Variants in KDM6A observed in about 807,000 individuals in gnomAD.
The protein encoded by KDM6A is lysine demethylase 6A, also known as lysine-specific demethylase 6A.
Under a neutral mutation model 117.6 loss-of-function variants are expected in KDM6A, and 11 were observed. The ratio of observed to expected loss-of-function variants is 0.09; its 90% CI spans 0.06 to 0.15. The LOEUF is 0.15. Ranked by LOEUF, KDM6A falls within the 10% of genes least tolerant of loss-of-function variation. The pLI is 1.00. For synonymous variants in KDM6A, 384 were observed against 396.1 expected, an observed-to-expected ratio of 0.97 and a Z score of 0.36; for missense variants, 799 against 1,077.3, an observed-to-expected ratio of 0.74 and a Z score of 3.62.
Position 44,974,676 on chromosome X carries a change from A to G in KDM6A, c.345A>G (p.Ala115=), listed in dbSNP as rs1357134080. The change falls in exon 4 of 30, where the codon GCA becomes GCG. Residue 115 remains alanine (A), a synonymous_variant. Coordinates refer to ENST00000611820, the MANE Select transcript of KDM6A (RefSeq NM_001291415.2). ...LLEDYPKALS[A]YQRYYSLQSD... ...TTATTTTCCTTTCAGCATTATCTGC[A>G]TACCAGAGGTACTACAGTTTACAGT... is the stretch of plus-strand genomic sequence containing the variant. 2 of 1,177,469 alleles carry G rather than the reference A, an allele frequency of 1.7e-6. 1 individual carries two copies. The highest frequency in any genetic ancestry group is 3.6e-5 in the South Asian group (2 of 56,241).
chrX:45,032,137 C>T (rs1238579359), intron 6 of KDM6A, among the ~76,000 whole-genome samples: 4 of 111,822 alleles, frequency 3.6e-5, no homozygotes, highest in Non-Finnish European at 7.5e-5. Flanking sequence ...GCAGAGGCCT[C>T]TTCTGCATAA....
chrX:44,966,100 TG>T (rs779930896), intron 3 of KDM6A, among the ~76,000 whole-genome samples: 110 of 110,529 alleles, frequency 1.0e-3, no homozygotes, highest in Non-Finnish European at 1.8e-3. Context: ...TATGTTAGAC[TG>T]TGACTATAGC....
At position 44,873,508 on chromosome X, in the gene KDM6A, GA is replaced by G. The variant is rs746445550; in HGVS notation, c.-43del. On this transcript the variant is annotated 5_prime_UTR_variant, in exon 1 of 30. Transcript: ENST00000611820. ...GGGGCGTCACTGCGGGCCCCGGTCC[GA>G]GGGGGGGTGTCGGCGTTGGAGTTGT... 9 of 1,206,344 alleles carry G rather than the reference GA, an allele frequency of 7.5e-6. No homozygotes were observed. In the African/African-American group the frequency reaches 1.1e-4, roughly 14 times the overall value.
intron 4 of KDM6A, among the ~76,000 whole-genome samples, chrX:44,985,708 C>T (rs112611396): frequency 2.0e-4 from 22 of 111,794 alleles, no homozygotes; most frequent in African/African-American, 6.8e-4. Flanking sequence ...TGCTGGGTTA[C>T]GTTTACTCAT....
At chrX:45,087,422 A>G (rs367878373) in intron 25 of KDM6A, among the ~76,000 whole-genome samples, 111 of 113,107 alleles carry the variant, frequency 9.8e-4, no homozygotes, top group South Asian at 2.8e-3. Context: ...AAAGCAAGAG[A>G]TAATTACCTT....
chrX:44,897,587 G>GTCTCT (rs2033998166), intron 2 of KDM6A, among the ~76,000 whole-genome samples: 1 of 110,556 alleles, frequency 9.0e-6, no homozygotes, highest in African/African-American at 3.3e-5. Context: ...TTTCTTTTAA[G>GTCTCT]AGACAGGGTC....
In KDM6A at chrX:44,995,122, C is replaced by T. The variant is rs1046743098; in HGVS notation, c.385-15839C>T. Among the ~76,000 whole-genome samples the T allele has an allele frequency of 2.7e-5, 3 of 111,046 alleles. No homozygotes were observed. The South Asian group carries it at 1.1e-3, about 42-fold the overall frequency. On this transcript the variant is annotated intron_variant, in intron 4 of 29. Coordinates refer to ENST00000611820, the MANE Select transcript of KDM6A (RefSeq NM_001291415.2). ...CTATTGTTAGTTTTTCGAGGAAATT[C>T]CAACATTTTACTAAGAAAGAATCCC...
chrX:45,100,139 C>T (rs1372353047), intron 27 of KDM6A, among the ~76,000 whole-genome samples: 7 of 111,698 alleles, frequency 6.3e-5, no homozygotes, highest in African/African-American at 2.0e-4. Context: ...AATACTAAGA[C>T]GCTTTACGTC....
chrX:45,063,449 C>G lies in KDM6A; in HGVS notation c.1711C>G (p.Arg571Gly), dbSNP rs397514628. ...GAGACCAACAGGAGTTGCACAGGTACGATCTACTGGAATTCCTAATGGGCC... is the reference window on the plus strand; with the variant it reads ...GAGACCAACAGGAGTTGCACAGGTAGGATCTACTGGAATTCCTAATGGGCC... ...QMRPTGVAQV[R>G]STGIPNGPTA... Residue 571 changes from arginine (R) to glycine (G), a missense_variant, in exon 17 of 30, where the codon CGA (arginine) becomes GGA (glycine). Physicochemically the swap from Arg to Gly is moderately radical, Grantham distance 125 (BLOSUM62 -2). Transcript: ENST00000611820. 2.5e-6 allele frequency: 3 copies of G among 1,207,095 alleles called. No homozygotes were observed. The Admixed American group carries it at 6.5e-5, about 26-fold the overall frequency.
At chrX:44,909,012 T>TG (rs2034908553) in intron 2 of KDM6A, among the ~76,000 whole-genome samples, 1 of 112,202 alleles carries the variant, frequency 8.9e-6, no homozygotes, top group Admixed American at 9.4e-5. Context: ...AATTATCACA[T>TG]AGTAAACACA....
chrX:45,058,122 A>G (rs779178526), intron 10 of KDM6A, among the ~76,000 whole-genome samples: 3 of 79,590 alleles, frequency 3.8e-5, no homozygotes, highest in African/African-American at 1.5e-4. Context: ...CTTGCAGAAT[A>G]TGATGGTCTC....
intron 14 of KDM6A, 55 bp from the exon 15 acceptor site, chrX:45,061,269 A>G: frequency 3.0e-6 from 2 of 677,598 alleles, no homozygotes; most frequent in Middle Eastern, 6.1e-4. Context: ...ATTATTATTA[A>G]CTGTGGATTT....
At chrX:44,897,236 T>C (rs1371672200) in intron 2 of KDM6A, among the ~76,000 whole-genome samples, 1 of 107,279 alleles carries the variant, frequency 9.3e-6, no homozygotes, top group Non-Finnish European at 1.9e-5. Flanking sequence ...TTCCACTCTT[T>C]TATTGAGCTC....
At chrX:44,996,104 T>A (rs369884297) in intron 4 of KDM6A, among the ~76,000 whole-genome samples, 1 of 110,303 alleles carries the variant, frequency 9.1e-6, no homozygotes, top group East Asian at 2.9e-4. Flanking sequence ...AGAGATAGGG[T>A]CTTCCTCTGT....
In KDM6A at chrX:45,063,531, C is replaced by T. The variant is rs2147992370; in HGVS notation, c.1793C>T (p.Ala598Val). The change falls in exon 17 of 30, where the codon GCT (alanine) becomes GTT (valine). Residue 598 changes from alanine to valine, a missense_variant. Ala to Val is a moderately conservative substitution (Grantham distance 64, BLOSUM62 0). This residue lies in a region of KDM6A where 301 missense variants were observed against 318.3 expected (regional missense o/e 0.95). Transcript: ENST00000611820. ...NSVSGQQPQL[A>V]LTRVPSVSQP... Reference sequence around the variant, plus strand: ...GTCTCTGGCCAGCAGCCACAGCTTGCTCTGACCAGAGTGCCTAGCGTCTCT... The same window carrying T: ...GTCTCTGGCCAGCAGCCACAGCTTGTTCTGACCAGAGTGCCTAGCGTCTCT... 8.3e-7 allele frequency: 1 copy of T among 1,211,778 alleles called. No individual in the cohort carries two copies. The highest frequency in any genetic ancestry group is 1.1e-6 in the Non-Finnish European group (1 of 895,467).
chrX:44,965,636 A>AT (rs1321624926), intron 3 of KDM6A, among the ~76,000 whole-genome samples: 3 of 112,103 alleles, frequency 2.7e-5, no homozygotes, highest in Non-Finnish European at 5.6e-5. Context: ...TTACTGTCTT[A>AT]TGTGGGCACA....
At chrX:45,087,537 A>C (rs1362381337) in intron 25 of KDM6A, among the ~76,000 whole-genome samples, 1 of 112,502 alleles carries the variant, frequency 8.9e-6, no homozygotes, top group Admixed American at 9.4e-5. Flanking sequence ...TGATTACTTT[A>C]ATCTGTACTT....
chrX:44,914,879 A>G (rs187117129), intron 2 of KDM6A, among the ~76,000 whole-genome samples: 349 of 111,128 alleles, frequency 3.1e-3, no homozygotes, highest in Non-Finnish European at 2.5e-3. Context: ...AAGTGAGAGC[A>G]TTCTGTGGCC....
chrX:45,105,282 C>T (rs755230331), intron 27 of KDM6A, among the ~76,000 whole-genome samples: 1 of 112,084 alleles, frequency 8.9e-6, no homozygotes, highest in Admixed American at 9.4e-5. Context: ...CCTTTTTCCC[C>T]ATTTGCAAGA....
Sources: allele counts gnomAD v4.1 joint callset (sites outside exome capture counted in the v4.1 genomes callset), GRCh38; gene constraint gnomAD v4.1.1; regional missense constraint gnomAD v4.1.1; transcripts MANE v1.5; gene names NCBI Gene and HGNC (gene_info 2026-07-23, HGNC 2026-07-21).